KLHL2: variants seen among roughly 807,000 people sequenced by gnomAD.
KLHL2 encodes kelch like family member 2.
A neutral mutation model predicts 75.8 loss-of-function variants in KLHL2; 15 were observed. That is an observed-to-expected ratio of 0.20 (90% CI 0.13 to 0.30). The LOEUF (loss-of-function observed/expected upper bound fraction) is 0.30, where lower values mean the gene tolerates loss of function less well. KLHL2 is among the 10% of genes least tolerant of loss of function. KLHL2 has a pLI of 1.00. For synonymous variants in KLHL2, 214 were observed against 251.9 expected (o/e 0.85, Z 1.42); for missense variants, 381 against 741.0 (o/e 0.51, Z 5.64).
chr4:165,217,944 C>G (rs557473865), intron 1 of KLHL2, among the ~76,000 whole-genome samples: 2 of 152,186 alleles, frequency 1.3e-5, no homozygotes, highest in Admixed American at 1.3e-4. Context: ...TGAACAGAAA[C>G]TCAGTCCTTT....
At chr4:165,310,121 A>G (rs967494846) in intron 9 of KLHL2, among the ~76,000 whole-genome samples, 1 of 152,124 alleles carries the variant, frequency 6.6e-6, no homozygotes, top group Non-Finnish European at 1.5e-5. Context: ...GCAGATCACG[A>G]GGTCAGGAGA....
intron 4 of KLHL2, among the ~76,000 whole-genome samples, chr4:165,248,881 A>G (rs1258337657): frequency 3.3e-5 from 5 of 152,226 alleles, no homozygotes; most frequent in African/African-American, 7.2e-5. Flanking sequence ...GTAGAGATGT[A>G]ACTGAATATA....
At position 165,315,759 on chromosome 4, in the gene KLHL2, A is replaced by G. The variant is rs555353792; in HGVS notation, c.1609+1593A>G. 1.3e-3 allele frequency among the ~76,000 whole-genome samples: 199 copies of G among 152,314 alleles called. 1 individual carries two copies. The highest frequency in any genetic ancestry group is 3.4e-3 in the Middle Eastern group (1 of 294). Reference sequence around the variant, plus strand: ...GGCTAAGGACCTCATCCAAGCACCTAAATTATTGGAAAGAAAGAACTAAGC... The same window carrying G: ...GGCTAAGGACCTCATCCAAGCACCTGAATTATTGGAAAGAAAGAACTAAGC... On this transcript the variant is annotated intron_variant, in intron 13 of 14. Transcript: ENST00000226725.
intron 3 of KLHL2, among the ~76,000 whole-genome samples, chr4:165,233,503 A>C (rs940811942): frequency 1.3e-5 from 2 of 152,150 alleles, no homozygotes; most frequent in African/African-American, 2.4e-5. Flanking sequence ...TGATTCAGTA[A>C]AATAAATTAG....
intron 6 of KLHL2, among the ~76,000 whole-genome samples, chr4:165,295,949 T>G (rs1367230018): frequency 6.6e-6 from 1 of 152,230 alleles, no homozygotes; most frequent in East Asian, 1.9e-4. Context: ...TGCCAAAACC[T>G]GCATTATAGA....
chr4:165,318,911 TG>T (rs1232511118), intron 14 of KLHL2, among the ~76,000 whole-genome samples: 1 of 152,232 alleles, frequency 6.6e-6, no homozygotes, highest in Non-Finnish European at 1.5e-5. Flanking sequence ...GATACTAGTC[TG>T]TTTTATCATT....
At chr4:165,211,155 A>T (rs1437504908) in intron 1 of KLHL2, among the ~76,000 whole-genome samples, 2 of 152,148 alleles carry the variant, frequency 1.3e-5, no homozygotes, top group African/African-American at 4.8e-5. Context: ...TTTGAATTTA[A>T]CTGACCTGTA....
chr4:165,317,626 A>C (rs991076860), intron 13 of KLHL2, among the ~76,000 whole-genome samples, 200 bp from the exon 14 acceptor site: 1 of 152,116 alleles, frequency 6.6e-6, no homozygotes, highest in African/African-American at 2.4e-5. Context: ...TGGCCTTCCA[A>C]AGTGCTGGGA....
At chr4:165,274,172 A>G (rs1486148093) in intron 5 of KLHL2, among the ~76,000 whole-genome samples, 6 of 152,308 alleles carry the variant, frequency 3.9e-5, no homozygotes, top group Admixed American at 2.6e-4. Flanking sequence ...ATAAATAGCA[A>G]TAGATGACTC....
intron 5 of KLHL2, among the ~76,000 whole-genome samples, chr4:165,290,765 G>A (rs1744447539): frequency 1.3e-5 from 2 of 152,054 alleles, no homozygotes; most frequent in African/African-American, 2.4e-5. Context: ...TCAGGAGTTC[G>A]AGACCAGCCT....
intron 4 of KLHL2, among the ~76,000 whole-genome samples, chr4:165,253,215 A>G (rs1181622967): frequency 1.3e-5 from 2 of 151,964 alleles, no homozygotes; most frequent in African/African-American, 2.4e-5. Flanking sequence ...TTGTATTTTT[A>G]GTAGAGACAG....
intron 4 of KLHL2, among the ~76,000 whole-genome samples, chr4:165,261,168 C>T (rs976711913): frequency 1.1e-4 from 17 of 152,234 alleles, no homozygotes; most frequent in African/African-American, 3.4e-4. Context: ...CATCTTGGAA[C>T]GCACTTTATG....
chr4:165,283,362 G>T (rs1258534712), intron 5 of KLHL2, among the ~76,000 whole-genome samples: 2 of 152,206 alleles, frequency 1.3e-5, no homozygotes, highest in Non-Finnish European at 2.9e-5. Flanking sequence ...AAAATCAAAG[G>T]CAAGTTAGTT....
intron 8 of KLHL2, among the ~76,000 whole-genome samples, chr4:165,304,701 C>T (rs990837163): frequency 2.6e-5 from 4 of 152,194 alleles, no homozygotes; most frequent in East Asian, 1.9e-4. Flanking sequence ...CACTAAATTA[C>T]GGCAGCTTTT....
chr4:165,279,532 A>G lies in KLHL2; in HGVS notation c.545-14827A>G, dbSNP rs1743477467. ...ACTCTTGTTTTATTTCCACTTGATG[A>G]TGACTAAGTAGTTCAGCTGTTCTTG... On this transcript the variant is annotated intron_variant, in intron 5 of 14. Transcript: ENST00000226725. The G allele has an allele frequency of 3.9e-6, 6 of 1,555,626 alleles. No homozygotes were observed. In the East Asian group the frequency reaches 1.3e-4, roughly 35 times the overall value.
At chr4:165,262,250 A>G (rs910236466) in intron 4 of KLHL2, among the ~76,000 whole-genome samples, 1 of 152,348 alleles carries the variant, frequency 6.6e-6, no homozygotes, top group South Asian at 2.1e-4. Context: ...TAAAAATGCA[A>G]ATTAAAAAGT....
intron 3 of KLHL2, among the ~76,000 whole-genome samples, chr4:165,231,422 C>G (rs4095549): frequency 1.3e-5 from 2 of 152,146 alleles, no homozygotes; most frequent in Non-Finnish European, 2.9e-5. Flanking sequence ...GCATGCTAGC[C>G]TGGGTGACAG....
chr4:165,249,405 T>C (rs896874931), intron 4 of KLHL2, among the ~76,000 whole-genome samples: 3 of 152,180 alleles, frequency 2.0e-5, no homozygotes, highest in Non-Finnish European at 4.4e-5. Context: ...CCTAGATACC[T>C]AAGTGATAGA....
rs530377254 is a variant in KLHL2 at position 165,207,842 on chromosome 4, C to T, written c.-35C>T. ...CTGGAATGGTGCTGGCTGTGTTGGT[C>T]GGTGCCTGCGTTCTGAAGCCCGAGA... On this transcript the variant is annotated 5_prime_UTR_variant, in exon 1 of 15. Transcript: ENST00000226725. This position sits in a 1 kb window ranked among gnomAD's most constrained non-coding sequence, Gnocchi z 4.2. 185 of 1,445,296 alleles carry T rather than the reference C, an allele frequency of 1.3e-4. 4 individuals are homozygous for T. In the South Asian group the frequency reaches 2.2e-3, roughly 17 times the overall value. The allele number at this position is 1,445,296 out of a possible 1,614,324, so 89.5% of individuals were successfully genotyped here.
Sources: allele counts gnomAD v4.1 joint callset (sites outside exome capture counted in the v4.1 genomes callset), GRCh38; gene constraint gnomAD v4.1.1; non-coding constraint Gnocchi (gnomAD v3.1); transcripts MANE v1.5; gene names NCBI Gene and HGNC (gene_info 2026-07-23, HGNC 2026-07-21).